The following HSD17B12 variants were observed in gnomAD, a reference collection of about 807,000 sequenced individuals.
HSD17B12 encodes the protein very-long-chain 3-oxoacyl-CoA reductase.
A neutral mutation model predicts 39.3 loss-of-function variants in HSD17B12; 32 were observed. The observed-to-expected ratio is 0.81, with a 90% CI of 0.61 to 1.09. HSD17B12 has a LOEUF of 1.09. Among genes scored for constraint, HSD17B12 ranks in the 50% least tolerant of loss-of-function variants. HSD17B12 has a pLI of 0.00. For missense variants in HSD17B12, 342 were observed against 382.9 expected (o/e 0.89, Z 0.89); for synonymous variants, 150 against 146.7 (o/e 1.02, Z -0.16).
At chr11:43,571,811 A>C in the HSD17B12 span, among the ~76,000 whole-genome samples, 1 of 152,220 alleles carries the variant, frequency 6.6e-6, no homozygotes, top group African/African-American at 2.4e-5. Flanking sequence ...GCTTCTAAGA[A>C]GTGCTTTCCA....
chr11:43,677,993 T>C (rs1565043946), upstream of HSD17B12, among the ~76,000 whole-genome samples: 1 of 152,242 alleles, frequency 6.6e-6, no homozygotes, highest in Non-Finnish European at 1.5e-5. Flanking sequence ...TTCTAGATCC[T>C]TGAGGAATCA....
intron 6 of HSD17B12, chr11:43,830,229 G>A (rs1951294213): frequency 6.6e-6 from 1 of 152,188 alleles, no homozygotes; most frequent in African/African-American, 2.4e-5. Context: ...ATATCCAGGA[G>A]TCAGAAATTC....
At chr11:43,770,707 C>T (rs1190512552) in intron 3 of HSD17B12, among the ~76,000 whole-genome samples, 1 of 152,176 alleles carries the variant, frequency 6.6e-6, no homozygotes, top group African/African-American at 2.4e-5. Flanking sequence ...TGCGCTCCAG[C>T]CTGGGTAACA....
intron 3 of HSD17B12, among the ~76,000 whole-genome samples, chr11:43,785,656 T>C (rs1950809288): frequency 6.6e-6 from 1 of 152,234 alleles, no homozygotes; most frequent in Non-Finnish European, 1.5e-5. Flanking sequence ...TAATAGCTTC[T>C]TTGGATGATT....
At chr11:43,581,516 T>C in the HSD17B12 span, 52 of 476,010 alleles carry the variant, frequency 1.1e-4, no homozygotes, top group South Asian at 7.6e-4. This position sits in a 1 kb window ranked among gnomAD's most constrained non-coding sequence, Gnocchi z 4.9. Context: ...CATCCAGCGA[T>C]CGCCGAAGCC....
the HSD17B12 span, among the ~76,000 whole-genome samples, chr11:43,626,485 T>C: frequency 1.3e-5 from 2 of 151,866 alleles, no homozygotes; most frequent in African/African-American, 4.8e-5. Context: ...ATAATGCATT[T>C]TTGGTTTTAC....
At chr11:43,815,161 A>G (rs760154013) in intron 4 of HSD17B12, among the ~76,000 whole-genome samples, 1 of 152,172 alleles carries the variant, frequency 6.6e-6, no homozygotes, top group Non-Finnish European at 1.5e-5. Flanking sequence ...CAGAATATAC[A>G]TATCCCAAAG....
At chr11:43,815,611 T>C (rs1003463715) in intron 5 of HSD17B12, 110 bp downstream of exon 5, 1 of 601,662 alleles carries the variant, frequency 1.7e-6, no homozygotes, top group Admixed American at 2.4e-5. Context: ...ACACGCTGGC[T>C]CTTCTGTTTA....
At chr11:43,718,324 T>C (rs1461770034) in intron 1 of HSD17B12, among the ~76,000 whole-genome samples, 3 of 152,176 alleles carry the variant, frequency 2.0e-5, no homozygotes, top group Non-Finnish European at 2.9e-5. Flanking sequence ...ATATACTTAC[T>C]CCTCTCTTAG....
intron 9 of HSD17B12, among the ~76,000 whole-genome samples, chr11:43,842,214 T>G (rs2135132648): frequency 6.6e-6 from 1 of 152,314 alleles, no homozygotes; most frequent in South Asian, 2.1e-4. Context: ...CTGTAGAGCA[T>G]CAAGATGGGT....
At chr11:43,695,400 G>A (rs1290880464) in intron 1 of HSD17B12, among the ~76,000 whole-genome samples, 1 of 152,040 alleles carries the variant, frequency 6.6e-6, no homozygotes, top group Admixed American at 6.6e-5. Flanking sequence ...CCAACACGGT[G>A]AAAACCGGTC....
chr11:43,581,193 C>T, the HSD17B12 span, among the ~76,000 whole-genome samples: 1 of 152,086 alleles, frequency 6.6e-6, no homozygotes, highest in African/African-American at 2.4e-5. This position sits in a 1 kb window ranked among gnomAD's most constrained non-coding sequence, Gnocchi z 4.9. Flanking sequence ...CCACACACTT[C>T]TCTCGGGGCT....
the HSD17B12 span, among the ~76,000 whole-genome samples, chr11:43,618,247 C>G: frequency 1.3e-5 from 2 of 152,228 alleles, no homozygotes; most frequent in East Asian, 3.9e-4. Flanking sequence ...AGCTTTGCCT[C>G]TATTTATTTA....
At chr11:43,772,576 G>C (rs1950659920) in intron 3 of HSD17B12, among the ~76,000 whole-genome samples, 1 of 152,108 alleles carries the variant, frequency 6.6e-6, no homozygotes, top group African/African-American at 2.4e-5. Flanking sequence ...CAACTGCTTT[G>C]GTAGATGAAA....
intron 1 of HSD17B12, among the ~76,000 whole-genome samples, chr11:43,711,381 T>A (rs1160204221): frequency 3.9e-5 from 6 of 152,124 alleles, no homozygotes; most frequent in Non-Finnish European, 7.4e-5. Context: ...TTACAGAACA[T>A]TTAGGTTTTA....
At chr11:43,822,530 T>C (rs961033351) in intron 6 of HSD17B12, among the ~76,000 whole-genome samples, 1 of 152,182 alleles carries the variant, frequency 6.6e-6, no homozygotes, top group Non-Finnish European at 1.5e-5. Context: ...CCCCTTCCTG[T>C]GTCCAAGTGT....
chr11:43,579,290 G>A, the HSD17B12 span: 4 of 152,308 alleles, frequency 2.6e-5, no homozygotes, highest in Non-Finnish European at 5.9e-5. Flanking sequence ...TTGGAGGAAG[G>A]CAGGAACGCA....
intron 7 of HSD17B12, among the ~76,000 whole-genome samples, chr11:43,835,720 C>G (rs1307159328): frequency 6.6e-6 from 1 of 152,092 alleles, no homozygotes; most frequent in Non-Finnish European, 1.5e-5. Context: ...CATGCAAATA[C>G]TGTATTTTGT....
the HSD17B12 span, among the ~76,000 whole-genome samples, chr11:43,565,487 G>A: frequency 1.3e-5 from 2 of 152,214 alleles, no homozygotes; most frequent in Non-Finnish European, 2.9e-5. Context: ...TTAACCAGAG[G>A]TAGGTGAACA....
Sources: gnomAD v4.1 joint callset for allele counts (sites outside exome capture counted in the v4.1 genomes callset) on GRCh38, gnomAD v4.1.1 for gene constraint, Gnocchi (gnomAD v3.1) non-coding constraint, MANE v1.5 for transcripts, NCBI Gene and HGNC (gene_info 2026-07-23, HGNC 2026-07-21) for gene names.